Variants in DPP6 observed in about 807,000 individuals in gnomAD.
DPP6 encodes the protein dipeptidyl peptidase like 6, also known as A-type potassium channel modulatory protein DPP6.
Under a neutral mutation model 122.6 loss-of-function variants are expected in DPP6, and 69 were observed. The ratio of observed to expected loss-of-function variants is 0.56; its 90% CI spans 0.46 to 0.69. The LOEUF (loss-of-function observed/expected upper bound fraction) is 0.69. Among genes scored for constraint, DPP6 ranks in the 30% least tolerant of loss-of-function variants. The probability of loss-of-function intolerance (pLI) is 0.00; values close to 1 mark genes in which losing one functional copy is unlikely to be tolerated. For synonymous variants in DPP6, 418 were observed against 433.1 expected (o/e 0.97, Z 0.43); for missense variants, 928 against 1,116.9 (o/e 0.83, Z 2.41).
At chr7:154,613,619 C>CAAAAAAAAAAAAAAA (rs749561005) in intron 5 of DPP6, among the ~76,000 whole-genome samples, 1 of 51,848 alleles carries the variant, frequency 1.9e-5, no homozygotes, top group African/African-American at 9.1e-5. Context: ...GACTCTGTCT[C>CAAAAAAAAAAAAAAA]AAAAAAAAAA....
rs551334000 is a variant in DPP6, at chr7:154,709,726, A to T, written c.763-18041A>T. On this transcript the variant is annotated intron_variant, in intron 7 of 25. Coordinates refer to ENST00000377770, the MANE Select transcript of DPP6 (RefSeq NM_130797.4). Reference sequence around the variant, plus strand: ...AGCCAGCGGTTCACTTTTCAAAAAAACCCAACACTCCTTTACCCAGCCCCA... The same window carrying T: ...AGCCAGCGGTTCACTTTTCAAAAAATCCCAACACTCCTTTACCCAGCCCCA... 6.3e-3 allele frequency among the ~76,000 whole-genome samples: 963 copies of T among 152,044 alleles called. 14 individuals are homozygous for T. The highest frequency in any genetic ancestry group is 0.022 in the African/African-American group (921 of 41,478).
At chr7:153,778,260 G>A in the DPP6 span, among the ~76,000 whole-genome samples, 1 of 151,480 alleles carries the variant, frequency 6.6e-6, no homozygotes, top group African/African-American at 2.5e-5. Context: ...ATAAACCCTG[G>A]GGTGTTGGAG....
chr7:154,101,172 C>T (rs1805700874), intron 1 of DPP6, among the ~76,000 whole-genome samples: 1 of 138,614 alleles, frequency 7.2e-6, no homozygotes, highest in South Asian at 2.6e-4. Context: ...CAGTTCAGAT[C>T]AGTTGTTCAT....
intron 1 of DPP6, among the ~76,000 whole-genome samples, chr7:154,125,842 C>T (rs1012851695): frequency 3.1e-4 from 47 of 152,176 alleles, no homozygotes; most frequent in African/African-American, 1.0e-3. Context: ...GCAGAGCCCT[C>T]GGTTGCCTCC....
At chr7:153,834,157 G>A in the DPP6 span, among the ~76,000 whole-genome samples, 1 of 151,990 alleles carries the variant, frequency 6.6e-6, no homozygotes, top group African/African-American at 2.4e-5. Context: ...TGTGGCAGTG[G>A]GCGCCTGTAG....
intron 1 of DPP6, among the ~76,000 whole-genome samples, chr7:153,964,595 C>G (rs559835022): frequency 6.6e-6 from 1 of 152,268 alleles, no homozygotes; most frequent in African/African-American, 2.4e-5. Context: ...GACAGCTGCT[C>G]AGAGGTCTCA....
intron 1 of DPP6, among the ~76,000 whole-genome samples, chr7:154,181,505 TC>T (rs1268935082): frequency 6.6e-6 from 1 of 152,192 alleles, no homozygotes; most frequent in Non-Finnish European, 1.5e-5. Context: ...TAAATAAAGA[TC>T]CTGAAACTCC....
intron 1 of DPP6, among the ~76,000 whole-genome samples, chr7:154,374,930 A>T: frequency 6.6e-6 from 1 of 152,148 alleles, no homozygotes; most frequent in Non-Finnish European, 1.5e-5. Flanking sequence ...AGTTTTAATT[A>T]ATTCTTTCAA....
At chr7:154,141,732 C>T (rs1313689373) in intron 1 of DPP6, among the ~76,000 whole-genome samples, 1 of 152,158 alleles carries the variant, frequency 6.6e-6, no homozygotes, top group Non-Finnish European at 1.5e-5. Flanking sequence ...GCATGCATTT[C>T]TGTTGGAGCT....
chr7:154,199,963 G>C (rs1799083466), intron 1 of DPP6, among the ~76,000 whole-genome samples: 1 of 152,176 alleles, frequency 6.6e-6, no homozygotes, highest in South Asian at 2.1e-4. Flanking sequence ...TGTCAGTGCA[G>C]AGCCCCGCCC....
chr7:154,300,045 T>G (rs1032667732), intron 1 of DPP6, among the ~76,000 whole-genome samples: 2 of 152,234 alleles, frequency 1.3e-5, no homozygotes, highest in African/African-American at 4.8e-5. Flanking sequence ...TGCACAGGAC[T>G]GATTGCGCCT....
At chr7:154,580,521 G>A (rs1482053532) in intron 5 of DPP6, among the ~76,000 whole-genome samples, 4 of 152,124 alleles carry the variant, frequency 2.6e-5, no homozygotes, top group South Asian at 2.1e-4. Context: ...TCCCTCCAGC[G>A]CTGCCGTTAG....
chr7:154,318,804 C>A (rs76085815), intron 1 of DPP6, among the ~76,000 whole-genome samples: 30 of 152,266 alleles, frequency 2.0e-4, no homozygotes, highest in South Asian at 8.3e-4. Context: ...CCCCACCCCC[C>A]CCAAGCCATG....
chr7:154,333,588 C>CTGA lies in DPP6; in HGVS notation c.244-112625_244-112624insGAT, dbSNP rs544158289. ...AAAAAATGAGGAAAGGTTGGTTAAT[C>CTGA]TCCATGGCTCATATGTTGCTTGCTG... On this transcript the variant is annotated intron_variant, in intron 1 of 25. Transcript: ENST00000377770. Among the ~76,000 whole-genome samples, 244 of 152,330 alleles carry CTGA rather than the reference C, an allele frequency of 1.6e-3. 1 individual carries two copies. The highest frequency in any genetic ancestry group is 4.6e-3 in the African/African-American group (190 of 41,574).
chr7:154,072,526 G>A (rs1404842881), intron 1 of DPP6, among the ~76,000 whole-genome samples: 13 of 152,258 alleles, frequency 8.5e-5, no homozygotes, highest in Admixed American at 3.9e-4. Flanking sequence ...CCTGCTGAGA[G>A]GCTTACATCA....
chr7:154,767,467 T>C (rs1795981258), intron 8 of DPP6, among the ~76,000 whole-genome samples: 1 of 152,142 alleles, frequency 6.6e-6, no homozygotes, highest in Admixed American at 6.5e-5. Context: ...CTGAGTCACC[T>C]CATCCCAAAC....
intron 1 of DPP6, among the ~76,000 whole-genome samples, chr7:154,053,457 C>G (rs1800560263): frequency 6.6e-6 from 1 of 151,236 alleles, no homozygotes; most frequent in African/African-American, 2.4e-5. Context: ...ATTTCGTGCT[C>G]CGGGAACACA....
At chr7:154,585,735 T>C (rs1832398239) in intron 5 of DPP6, among the ~76,000 whole-genome samples, 1 of 152,124 alleles carries the variant, frequency 6.6e-6, no homozygotes, top group African/African-American at 2.4e-5. Context: ...CAAGAAAAAA[T>C]CTGCACATGT....
chr7:153,826,732 T>C, the DPP6 span, among the ~76,000 whole-genome samples: 1 of 152,178 alleles, frequency 6.6e-6, no homozygotes, highest in African/African-American at 2.4e-5. Context: ...ATGGCTTCCA[T>C]ATGCACTTGT....
Sources: allele counts gnomAD v4.1 joint callset (sites outside exome capture counted in the v4.1 genomes callset), GRCh38; gene constraint gnomAD v4.1.1; transcripts MANE v1.5; gene names NCBI Gene and HGNC (gene_info 2026-07-23, HGNC 2026-07-21).